ERCC3: variants seen among roughly 807,000 people sequenced by gnomAD.
The protein encoded by ERCC3 is ERCC excision repair 3, TFIIH core complex helicase subunit.
ERCC3 carries 66 observed loss-of-function variants against 94.2 expected under a neutral mutation model. That is an observed-to-expected ratio of 0.70 (90% confidence interval 0.57 to 0.86). ERCC3 has a LOEUF of 0.86. ERCC3 is among the 40% of genes least tolerant of loss of function. ERCC3 has a pLI of 0.00. For missense variants in ERCC3, 829 were observed against 987.1 expected (o/e 0.84, Z 2.15); for synonymous variants, 349 against 369.1 (o/e 0.95, Z 0.63).
At position 127,289,393 on chromosome 2, in the gene ERCC3, C is replaced by T; in HGVS notation, c.766G>A (p.Asp256Asn). The change falls in exon 6 of 15, where the codon GAC (aspartate) becomes AAC (asparagine). Residue 256 changes from aspartate to asparagine, a missense_variant. Physicochemically the swap from Asp to Asn is conservative, Grantham distance 23. Coordinates refer to ENST00000285398, the MANE Select transcript of ERCC3 (RefSeq NM_000122.2). The stretch of plus-strand genomic sequence containing the variant: ...TCTTCTTCTTCTTCTTCATCCTTGT[C>T]CATTTGCTCATAGAAGTCAAACAGG... ...MDLFDFYEQMDKDEEEEEETQ... is the reference protein window; with the variant it reads ...MDLFDFYEQMNKDEEEEEETQ... The T allele has an allele frequency of 1.9e-6, 3 of 1,613,646 alleles. No homozygotes were observed. The highest frequency in any genetic ancestry group is 2.5e-6 in the Non-Finnish European group (3 of 1,180,022).
At position 127,257,769 on chromosome 2, in the gene ERCC3, A is replaced by G; in HGVS notation, c.2218-42T>C. ...ACCAGCCCATGTTAGTCTCCAGAAGAAAAGATACTCCTTTTATAATACTTA... is the reference window on the plus strand; with the variant it reads ...ACCAGCCCATGTTAGTCTCCAGAAGGAAAGATACTCCTTTTATAATACTTA... On this transcript the variant is annotated intron_variant, in intron 14 of 14. Coordinates refer to ENST00000285398, the MANE Select transcript of ERCC3 (RefSeq NM_000122.2). This position sits in a 1 kb window ranked among gnomAD's most constrained non-coding sequence, Gnocchi z 5.4. 7 of 1,611,740 alleles carry G rather than the reference A, an allele frequency of 4.3e-6. No homozygotes were observed. In the East Asian group the frequency reaches 1.3e-4, roughly 31 times the overall value.
At position 127,279,390 on chromosome 2, in the gene ERCC3, G is replaced by A. The variant is rs1047975689; in HGVS notation, c.1528-15C>T. On this transcript the variant is annotated splice_polypyrimidine_tract_variant and intron_variant, in intron 9 of 14. Coordinates refer to ENST00000285398, the MANE Select transcript of ERCC3 (RefSeq NM_000122.2). The surrounding 1 kb of genome is among the most constrained non-coding windows in gnomAD (Gnocchi z 4.7). Reference sequence around the variant, plus strand: ...GGGCACCAGACCTGTAATACAGTAAGAACCAGGGGTCATTTTACAAGTTTA... The same window carrying A: ...GGGCACCAGACCTGTAATACAGTAAAAACCAGGGGTCATTTTACAAGTTTA... 1 of 1,581,740 alleles carries A rather than the reference G, an allele frequency of 6.3e-7. No homozygotes were observed. Among genetic ancestry groups the A allele is most frequent in the Admixed American group, 1.7e-5 (1 of 59,980 alleles).
At chr2:127,266,492 C>A (rs1270748730) in intron 12 of ERCC3, among the ~76,000 whole-genome samples, 1 of 151,528 alleles carries the variant, frequency 6.6e-6, no homozygotes, top group East Asian at 1.9e-4. Context: ...ACTGCCACCA[C>A]ACACCCGGCT....
chr2:127,288,294 C>A (rs1685145113), intron 7 of ERCC3, among the ~76,000 whole-genome samples: 1 of 152,170 alleles, frequency 6.6e-6, no homozygotes, highest in South Asian at 2.1e-4. Flanking sequence ...AGAACCTAAC[C>A]CCACTAAGTG....
chr2:127,282,357 C>A (rs916846261), intron 8 of ERCC3, among the ~76,000 whole-genome samples: 2 of 152,158 alleles, frequency 1.3e-5, no homozygotes, highest in African/African-American at 4.8e-5. Flanking sequence ...ACTTGGCTGT[C>A]CCTTCCACTT....
At chr2:127,290,049 T>C (rs1685214530) in intron 4 of ERCC3, 175 bp downstream of exon 4, 2 of 764,424 alleles carry the variant, frequency 2.6e-6, no homozygotes, top group Non-Finnish European at 4.5e-6. Flanking sequence ...CTAGAGGAAA[T>C]ACAGTGGCCA....
rs1464052284 is a variant in ERCC3, at chr2:127,277,666, G to A, written c.1730+1507C>T. Among the ~76,000 whole-genome samples, 4 of 152,126 alleles carry A rather than the reference G, an allele frequency of 2.6e-5. No homozygotes were observed. In the East Asian group the frequency reaches 7.7e-4, roughly 29 times the overall value. On this transcript the variant is annotated intron_variant, in intron 10 of 14. Coordinates refer to ENST00000285398, the MANE Select transcript of ERCC3 (RefSeq NM_000122.2). This position sits in a 1 kb window ranked among gnomAD's most constrained non-coding sequence, Gnocchi z 5.1. ...AGATAGCGCCACTGCACTCCAGCCTGGCAACAGAGCAAGACTCCGTCTCAA... is the reference window on the plus strand; with the variant it reads ...AGATAGCGCCACTGCACTCCAGCCTAGCAACAGAGCAAGACTCCGTCTCAA...
At chr2:127,283,604 T>C (rs1684983501) in intron 8 of ERCC3, among the ~76,000 whole-genome samples, 1 of 152,228 alleles carries the variant, frequency 6.6e-6, no homozygotes, top group South Asian at 2.1e-4. Flanking sequence ...ATGGGACTGA[T>C]GGGTCATGTG....
rs1367116564 is a variant in ERCC3, at chr2:127,258,930, G to C, written c.2217+366C>G. On this transcript the variant is annotated intron_variant, in intron 14 of 14. Transcript: ENST00000285398. The surrounding 1 kb of genome is among the most constrained non-coding windows in gnomAD (Gnocchi z 4.1). Reference sequence around the variant, plus strand: ...GGAGAACTGTGTGGCCACAGCCAGGGATGGCAGCCCTGTGTGTGGGAACTA... The same window carrying C: ...GGAGAACTGTGTGGCCACAGCCAGGCATGGCAGCCCTGTGTGTGGGAACTA... Among the ~76,000 whole-genome samples the C allele has an allele frequency of 6.6e-6, 1 of 152,198 alleles. No homozygotes were observed. Among genetic ancestry groups the C allele is most frequent in the Non-Finnish European group, 1.5e-5 (1 of 68,044 alleles).
chr2:127,258,635 C>A lies in ERCC3; in HGVS notation c.2217+661G>T, dbSNP rs1030449322. On this transcript the variant is annotated intron_variant, in intron 14 of 14. Transcript: ENST00000285398. The surrounding 1 kb of genome is among the most constrained non-coding windows in gnomAD (Gnocchi z 4.1). Reference sequence around the variant, plus strand: ...TCCAGCAGTTGCTCACCTTCCGGCTCTAATGGCAACTGAATTTCAAACGCA... The same window carrying A: ...TCCAGCAGTTGCTCACCTTCCGGCTATAATGGCAACTGAATTTCAAACGCA... Among the ~76,000 whole-genome samples the A allele has an allele frequency of 2.0e-5, 3 of 152,164 alleles. No homozygotes were observed. Among genetic ancestry groups the A allele is most frequent in the Admixed American group, 6.5e-5 (1 of 15,278 alleles).
rs893725637 is a variant in ERCC3, at chr2:127,271,670, T to G, written c.1828-217A>C. On this transcript the variant is annotated intron_variant, in intron 11 of 14. Transcript: ENST00000285398. This position sits in a 1 kb window ranked among gnomAD's most constrained non-coding sequence, Gnocchi z 5.0. ...GACCTTGTGTGAGTTCTGCTAAGAG[T>G]CATCCTGAAGAATTAATACCAGGCA... 2.6e-5 allele frequency among the ~76,000 whole-genome samples: 4 copies of G among 152,040 alleles called. No individual in the cohort carries two copies. The highest frequency in any genetic ancestry group is 5.9e-5 in the Non-Finnish European group (4 of 68,018).
At chr2:127,292,276 G>A (rs1219845702) in intron 3 of ERCC3, 3 of 428,760 alleles carry the variant, frequency 7.0e-6, no homozygotes, top group African/African-American at 4.0e-5. Flanking sequence ...ACTCACTTTG[G>A]GCTGCATTTC....
chr2:127,288,221 A>G (rs1314480528), intron 7 of ERCC3, among the ~76,000 whole-genome samples: 1 of 152,190 alleles, frequency 6.6e-6, no homozygotes, highest in Non-Finnish European at 1.5e-5. Context: ...TCATCCAGGA[A>G]CACCAAAGTT....
At chr2:127,282,317 G>A (rs938232501) in intron 8 of ERCC3, among the ~76,000 whole-genome samples, 20 of 152,178 alleles carry the variant, frequency 1.3e-4, no homozygotes, top group Non-Finnish European at 2.2e-4. Flanking sequence ...ATTATGTCAT[G>A]GTTGTCATTT....
At chr2:127,268,535 T>C (rs1684452205) in intron 12 of ERCC3, among the ~76,000 whole-genome samples, 1 of 152,168 alleles carries the variant, frequency 6.6e-6, no homozygotes, top group South Asian at 2.1e-4. Context: ...AGTGCTGGGA[T>C]TACAGGTGTG....
intron 3 of ERCC3, 66 bp from the exon 4 acceptor site, chr2:127,290,339 C>A: frequency 1.6e-6 from 2 of 1,240,014 alleles, no homozygotes; most frequent in South Asian, 2.4e-5. Flanking sequence ...CATTACTGGT[C>A]ACATCTTACA....
intron 8 of ERCC3, among the ~76,000 whole-genome samples, chr2:127,282,137 T>C (rs1180963162): frequency 1.3e-5 from 2 of 152,154 alleles, no homozygotes; most frequent in East Asian, 1.9e-4. Flanking sequence ...GATCAGGATA[T>C]AGAGAACCAG....
chr2:127,289,179 G>A (rs1685181046), intron 6 of ERCC3, among the ~76,000 whole-genome samples, 158 bp downstream of exon 6: 1 of 152,202 alleles, frequency 6.6e-6, no homozygotes, highest in South Asian at 2.1e-4. Flanking sequence ...CAGGAGAAAT[G>A]ATGCCATGGC....
At chr2:127,261,193 G>C (rs778215272) in intron 13 of ERCC3, 35 bp downstream of exon 13, 1 of 1,267,164 alleles carries the variant, frequency 7.9e-7, no homozygotes, top group South Asian at 1.2e-5. Flanking sequence ...GAAGGCCTTG[G>C]TCCTAGTCTA....
Sources: allele counts gnomAD v4.1 joint callset (sites outside exome capture counted in the v4.1 genomes callset), GRCh38; gene constraint gnomAD v4.1.1; non-coding constraint Gnocchi (gnomAD v3.1); transcripts MANE v1.5; gene names NCBI Gene and HGNC (gene_info 2026-07-23, HGNC 2026-07-21).